The following CLIP1 variants were observed in gnomAD, a reference collection of about 807,000 sequenced individuals.
The protein encoded by CLIP1 is CAP-Gly domain-containing linker protein 1.
A neutral mutation model predicts 161.6 loss-of-function variants in CLIP1; 66 were observed. That is an observed-to-expected ratio of 0.41 (90% CI 0.33 to 0.50). The LOEUF (loss-of-function observed/expected upper bound fraction) is 0.50. Ranked by LOEUF, CLIP1 falls within the 20% of genes least tolerant of loss-of-function variation. The probability of loss-of-function intolerance (pLI) is 0.27; values close to 1 mark genes in which losing one functional copy is unlikely to be tolerated. For missense variants in CLIP1, 1,376 were observed against 1,702.0 expected (o/e 0.81, Z 3.37); for synonymous variants, 598 against 626.2 (o/e 0.96, Z 0.67).
At chr12:122,381,930 T>C (rs1025494275) in intron 1 of CLIP1, among the ~76,000 whole-genome samples, 2 of 152,204 alleles carry the variant, frequency 1.3e-5, no homozygotes, top group African/African-American at 4.8e-5. Context: ...AAAGCATCCC[T>C]ATAAGAAGAA....
chr12:122,288,495 T>C lies in CLIP1; in HGVS notation c.3641A>G (p.Lys1214Arg), dbSNP rs1363550638. ...CAATAAACAGAAAGCTTACCTTTTT[T>C]TCATTTCTAACAACTGATTATTGAG... ...SVLNNQLLEM[K>R]KRESKFIKDA... The change falls in exon 21 of 26, where the codon AAA becomes AGA. Residue 1214 changes from lysine to arginine, a missense_variant. This residue lies in a region of CLIP1 where 948 missense variants were observed against 1,134.8 expected (regional missense o/e 0.84). Transcript: ENST00000620786. 1 of 1,607,588 alleles carries C rather than the reference T, an allele frequency of 6.2e-7. No individual in the cohort carries two copies. Among genetic ancestry groups the C allele is most frequent in the Non-Finnish European group, 8.5e-7 (1 of 1,179,592 alleles).
intron 3 of CLIP1, 124 bp downstream of exon 3, chr12:122,377,265 C>T (rs1954785246): frequency 5.9e-6 from 5 of 847,472 alleles, no homozygotes; most frequent in Non-Finnish European, 9.2e-6. Context: ...GCCTCAGCCT[C>T]CCAAAGTGCT....
chr12:122,403,418 A>C (rs2137099301), intron 1 of CLIP1, among the ~76,000 whole-genome samples: 1 of 152,074 alleles, frequency 6.6e-6, no homozygotes, highest in South Asian at 2.1e-4. Flanking sequence ...AAAATTTAAT[A>C]AGTATGTCTC....
chr12:122,415,631 C>T (rs1225314284), intron 1 of CLIP1, among the ~76,000 whole-genome samples: 1 of 151,854 alleles, frequency 6.6e-6, no homozygotes, highest in Non-Finnish European at 1.5e-5. Flanking sequence ...CCAACCTGGC[C>T]AAAATGGTGA....
intron 15 of CLIP1, among the ~76,000 whole-genome samples, chr12:122,332,565 GC>G (rs1952026472): frequency 6.6e-6 from 1 of 151,908 alleles, no homozygotes; most frequent in Non-Finnish European, 1.5e-5. Context: ...GGGATTACAG[GC>G]TTGCACCACC....
chr12:122,315,710 G>A (rs1294491687), intron 19 of CLIP1, among the ~76,000 whole-genome samples: 4 of 149,496 alleles, frequency 2.7e-5, no homozygotes, highest in East Asian at 2.0e-4. Context: ...GCTCGATCTC[G>A]GCTCACTGCA....
intron 20 of CLIP1, among the ~76,000 whole-genome samples, chr12:122,290,819 G>C (rs1441978114): frequency 2.6e-5 from 4 of 151,532 alleles, no homozygotes; most frequent in African/African-American, 4.8e-5. Flanking sequence ...CCCAATCTAG[G>C]AGATAGCAAG....
Position 122,323,412 on chromosome 12 carries a change from C to G in CLIP1, c.3250-4064G>C, listed in dbSNP as rs1354202401. The G allele has an allele frequency of 6.6e-6, 1 of 152,624 alleles. No homozygotes were observed. The highest frequency in any genetic ancestry group is 1.9e-4 in the East Asian group (1 of 5,198). The allele number at this position is 152,624 out of a possible 1,614,324, so 9.5% of individuals were successfully genotyped here. ...TTCTCATGCAGAAGCTGGATGCACT[C>G]GGAGTCCGTGACCGCCCGCCTGGCC... On this transcript the variant is annotated intron_variant, in intron 17 of 25. Transcript: ENST00000620786. The surrounding 1 kb of genome is among the most constrained non-coding windows in gnomAD (Gnocchi z 4.1).
intron 1 of CLIP1, among the ~76,000 whole-genome samples, chr12:122,409,108 G>A (rs1042261360): frequency 6.6e-6 from 1 of 151,568 alleles, no homozygotes; most frequent in Non-Finnish European, 1.5e-5. Flanking sequence ...ACCACGCCCA[G>A]CCTATAATAT....
At chr12:122,333,792 G>C (rs755323000) in intron 14 of CLIP1, among the ~76,000 whole-genome samples, 4 of 152,202 alleles carry the variant, frequency 2.6e-5, no homozygotes, top group Non-Finnish European at 5.9e-5. Flanking sequence ...TTGGAGCAAG[G>C]ATAGCAGTGG....
intron 1 of CLIP1, 112 bp downstream of exon 1, chr12:122,422,409 C>T (rs1448127813): frequency 6.6e-6 from 1 of 151,370 alleles, no homozygotes; most frequent in Non-Finnish European, 1.5e-5. Context: ...CGCTCCCGGA[C>T]GCCGGGCTTC....
At chr12:122,277,893 A>T in intron 24 of CLIP1, 1 of 453,362 alleles carries the variant, frequency 2.2e-6, no homozygotes, top group South Asian at 3.2e-5. Context: ...CACTTTAAAA[A>T]ATCTCTGAAA....
chr12:122,404,889 G>C (rs1956269039), intron 1 of CLIP1, among the ~76,000 whole-genome samples: 1 of 140,496 alleles, frequency 7.1e-6, no homozygotes, highest in Admixed American at 7.7e-5. Context: ...GACAGAGCGA[G>C]ACTCCATCTC....
intron 1 of CLIP1, among the ~76,000 whole-genome samples, chr12:122,390,098 C>G (rs139207705): frequency 6.8e-6 from 1 of 146,772 alleles, no homozygotes; most frequent in Non-Finnish European, 1.5e-5. Flanking sequence ...GAAACAGATG[C>G]TGCTATGCTT....
chr12:122,303,370 G>C (rs1226685258), intron 20 of CLIP1, among the ~76,000 whole-genome samples: 1 of 151,970 alleles, frequency 6.6e-6, no homozygotes, highest in African/African-American at 2.4e-5. Flanking sequence ...GCTCTACCTA[G>C]ACCTTCCCTT....
intron 15 of CLIP1, among the ~76,000 whole-genome samples, chr12:122,332,007 T>C (rs1039325821): frequency 1.3e-5 from 2 of 149,466 alleles, no homozygotes; most frequent in African/African-American, 4.9e-5. Flanking sequence ...AAAAAAATAG[T>C]TAAAAATATT....
At chr12:122,378,357 G>A (rs1189565213) in intron 2 of CLIP1, among the ~76,000 whole-genome samples, 1 of 152,162 alleles carries the variant, frequency 6.6e-6, no homozygotes, top group African/African-American at 2.4e-5. Flanking sequence ...AAAGTGTTAG[G>A]ATTACAGGCA....
At chr12:122,350,842 A>C (rs1180461048) in intron 9 of CLIP1, among the ~76,000 whole-genome samples, 1 of 151,882 alleles carries the variant, frequency 6.6e-6, no homozygotes, top group Non-Finnish European at 1.5e-5. Context: ...CAGACAAAAA[A>C]CATTTTTCCC....
chr12:122,387,823 C>T (rs1955393770), intron 1 of CLIP1, among the ~76,000 whole-genome samples: 1 of 151,492 alleles, frequency 6.6e-6, no homozygotes, highest in African/African-American at 2.4e-5. Context: ...TGGGCTCAAG[C>T]GATCCTCCTG....
Sources: allele counts gnomAD v4.1 joint callset (sites outside exome capture counted in the v4.1 genomes callset), GRCh38; gene constraint gnomAD v4.1.1; regional missense constraint gnomAD v4.1.1; non-coding constraint Gnocchi (gnomAD v3.1); transcripts MANE v1.5; gene names NCBI Gene and HGNC (gene_info 2026-07-23, HGNC 2026-07-21).